The following GRIP1 variants were observed in gnomAD, a reference collection of about 807,000 sequenced individuals.
GRIP1 encodes the protein glutamate receptor-interacting protein 1.
A neutral mutation model predicts 129.9 loss-of-function variants in GRIP1; 45 were observed. The observed-to-expected ratio is 0.35, with a 90% CI of 0.27 to 0.44. The LOEUF (loss-of-function observed/expected upper bound fraction) is 0.44, where lower values mean the gene tolerates loss of function less well. Ranked by LOEUF, GRIP1 falls within the 20% of genes least tolerant of loss-of-function variation. The pLI is 1.00. For synonymous variants in GRIP1, 530 were observed against 520.8 expected, an observed-to-expected ratio of 1.02 and a Z score of -0.24; for missense variants, 1,196 against 1,396.8, an observed-to-expected ratio of 0.86 and a Z score of 2.29.
intron 23 of GRIP1, among the ~76,000 whole-genome samples, chr12:66,370,853 G>A (rs1025119185): frequency 1.3e-5 from 2 of 152,130 alleles, no homozygotes; most frequent in Non-Finnish European, 2.9e-5. Context: ...GTAGCAAAGT[G>A]AGGCAACTAT....
At chr12:66,633,147 G>A (rs1036707558) in intron 1 of GRIP1, among the ~76,000 whole-genome samples, 12 of 151,162 alleles carry the variant, frequency 7.9e-5, no homozygotes, top group Non-Finnish European at 1.6e-4. Context: ...CAAGTAGCTG[G>A]AACTACATGT....
chr12:66,519,425 T>G (rs2060938190), intron 5 of GRIP1, among the ~76,000 whole-genome samples: 1 of 152,202 alleles, frequency 6.6e-6, no homozygotes, highest in Non-Finnish European at 1.5e-5. Context: ...AAGGTGATCA[T>G]AAAGGATAGG....
At chr12:66,401,888 G>A (rs2057015244) in intron 16 of GRIP1, among the ~76,000 whole-genome samples, 1 of 152,080 alleles carries the variant, frequency 6.6e-6, no homozygotes, top group African/African-American at 2.4e-5. Flanking sequence ...CTTTCATCAA[G>A]TGATTAAAAT....
At chr12:66,531,223 G>A (rs1220009509) in intron 4 of GRIP1, among the ~76,000 whole-genome samples, 4 of 126,026 alleles carry the variant, frequency 3.2e-5, no homozygotes, top group Admixed American at 8.9e-5. Context: ...GTGACAGAGT[G>A]AGACTCTGTC....
intron 11 of GRIP1, among the ~76,000 whole-genome samples, chr12:66,453,144 T>A (rs1431885208): frequency 6.6e-6 from 1 of 152,208 alleles, no homozygotes; most frequent in Non-Finnish European, 1.5e-5. Flanking sequence ...GTTATGCATA[T>A]CAGTGACAGC....
At chr12:66,411,805 A>C (rs2057412859) in intron 15 of GRIP1, among the ~76,000 whole-genome samples, 1 of 152,254 alleles carries the variant, frequency 6.6e-6, no homozygotes, top group Non-Finnish European at 1.5e-5. Context: ...TATGGAGCTG[A>C]AAAACACAAC....
intron 1 of GRIP1, among the ~76,000 whole-genome samples, chr12:66,780,688 T>C (rs930671247): frequency 6.6e-6 from 1 of 152,190 alleles, no homozygotes; most frequent in Non-Finnish European, 1.5e-5. Context: ...TCCCTTTGAA[T>C]CTGGGCTGAA....
chr12:66,855,644 T>A (rs2039990396), intron 1 of GRIP1, among the ~76,000 whole-genome samples: 2 of 152,114 alleles, frequency 1.3e-5, no homozygotes, highest in South Asian at 4.1e-4. Flanking sequence ...ATATTGTAGA[T>A]CTTTTAACTT....
chr12:66,578,837 A>G (rs894458588), intron 2 of GRIP1, among the ~76,000 whole-genome samples: 1 of 152,168 alleles, frequency 6.6e-6, no homozygotes, highest in Non-Finnish European at 1.5e-5. Context: ...CAGGGCACAG[A>G]CAAACAAAAA....
In GRIP1 at chr12:66,650,017, T is replaced by C. The variant is rs570917991; in HGVS notation, c.55+28833A>G. ...CTAGGAGAATGTGTCTAGCGAGTTATAGAGCTCATATTATTTCCACTACAC... is the reference window on the plus strand; with the variant it reads ...CTAGGAGAATGTGTCTAGCGAGTTACAGAGCTCATATTATTTCCACTACAC... On this transcript the variant is annotated intron_variant, in intron 1 of 24. Coordinates refer to ENST00000359742, the MANE Select transcript of GRIP1 (RefSeq NM_001366722.1). Among the ~76,000 whole-genome samples the C allele has an allele frequency of 2.6e-5, 4 of 152,310 alleles. No individual in the cohort carries two copies. In the East Asian group the frequency reaches 7.7e-4, roughly 29 times the overall value.
chr12:66,824,640 T>C (rs759729772), intron 1 of GRIP1, among the ~76,000 whole-genome samples: 5 of 152,222 alleles, frequency 3.3e-5, no homozygotes, highest in Non-Finnish European at 7.4e-5. Flanking sequence ...GTGGTTTATA[T>C]AGAGGAAGCA....
intron 1 of GRIP1, among the ~76,000 whole-genome samples, chr12:66,690,371 TAC>T (rs112206335): frequency 0.087 from 12,887 of 147,578 alleles, 875 homozygotes; most frequent in African/African-American, 0.19. Flanking sequence ...TCAATAATAT[TAC>T]ACACACACAC....
intron 7 of GRIP1, among the ~76,000 whole-genome samples, chr12:66,487,123 C>A (rs2059977483): frequency 1.3e-5 from 2 of 152,140 alleles, no homozygotes; most frequent in Non-Finnish European, 2.9e-5. Flanking sequence ...TGAGCTCAGA[C>A]ATAGTAACTG....
chr12:67,029,079 G>A (rs572656700), intron 1 of GRIP1, among the ~76,000 whole-genome samples: 1 of 151,852 alleles, frequency 6.6e-6, no homozygotes, highest in South Asian at 2.1e-4. Context: ...GACCAGCCTG[G>A]GCAAAATAGT....
intron 1 of GRIP1, among the ~76,000 whole-genome samples, chr12:67,043,554 G>A (rs749608855): frequency 4.1e-4 from 62 of 152,192 alleles, no homozygotes; most frequent in Admixed American, 6.5e-4. Flanking sequence ...TTAGCCCAGA[G>A]CAAAAGAGAT....
intron 1 of GRIP1, among the ~76,000 whole-genome samples, chr12:66,693,454 A>T (rs186482058): frequency 6.6e-6 from 1 of 152,262 alleles, no homozygotes; most frequent in African/African-American, 2.4e-5. Context: ...AGGTCACCCC[A>T]GTCCCCACTA....
intron 1 of GRIP1, among the ~76,000 whole-genome samples, chr12:66,625,927 T>C (rs1434673346): frequency 6.6e-6 from 1 of 152,004 alleles, no homozygotes; most frequent in African/African-American, 2.4e-5. Flanking sequence ...GGAAGCACTA[T>C]CAGAAAGAGA....
chr12:66,544,327 ACT>A (rs1169518315), intron 2 of GRIP1, among the ~76,000 whole-genome samples: 2 of 152,094 alleles, frequency 1.3e-5, no homozygotes, highest in East Asian at 3.8e-4. Flanking sequence ...TTGAATGCCT[ACT>A]CTGAGCCAGA....
At chr12:66,472,450 A>G (rs1454229869) in intron 7 of GRIP1, among the ~76,000 whole-genome samples, 5 of 152,076 alleles carry the variant, frequency 3.3e-5, no homozygotes, top group Non-Finnish European at 5.9e-5. Context: ...TACTGTTTGC[A>G]ACTCCTCTCT....
Sources: allele counts gnomAD v4.1 joint callset (sites outside exome capture counted in the v4.1 genomes callset), GRCh38; gene constraint gnomAD v4.1.1; transcripts MANE v1.5; gene names NCBI Gene and HGNC (gene_info 2026-07-23, HGNC 2026-07-21).